Variants in SNRPN observed in about 807,000 individuals in gnomAD.
The protein encoded by SNRPN is small nuclear ribonucleoprotein-associated protein N.
Under a neutral mutation model 25.2 loss-of-function variants are expected in SNRPN, and 7 were observed. The observed-to-expected ratio is 0.28, with a 90% CI of 0.16 to 0.52. The LOEUF is 0.52. SNRPN is among the 20% of genes least tolerant of loss of function. The pLI is 0.96. For missense variants in SNRPN, 196 were observed against 322.5 expected, an observed-to-expected ratio of 0.61 and a Z score of 3.00; for synonymous variants, 124 against 110.6, an observed-to-expected ratio of 1.12 and a Z score of -0.76.
At chr15:24,962,785 A>G (rs991103566) in intron 2 of SNRPN, among the ~76,000 whole-genome samples, 5 of 152,210 alleles carry the variant, frequency 3.3e-5, no homozygotes, top group African/African-American at 4.8e-5. Flanking sequence ...GACCTAATAC[A>G]TATTTAGTCC....
chr15:24,953,635 C>T (rs188209385), upstream of SNRPN, among the ~76,000 whole-genome samples: 289 of 152,258 alleles, frequency 1.9e-3, 7 homozygotes, highest in African/African-American at 6.8e-3. Flanking sequence ...TTTTATTTTT[C>T]GATTGACTCC....
chr15:24,865,998 C>T (rs1272326306), intron 1 of SNRPN, among the ~76,000 whole-genome samples: 1 of 152,110 alleles, frequency 6.6e-6, no homozygotes, highest in African/African-American at 2.4e-5. Flanking sequence ...GTGGATTCAT[C>T]TATTTTTCCT....
intron 1 of SNRPN, chr15:24,958,754 A>G (rs1037723038): frequency 6.5e-6 from 1 of 154,066 alleles, no homozygotes; most frequent in African/African-American, 2.4e-5. Context: ...GGGTCTGGCT[A>G]TGTTGCCCAG....
At chr15:24,863,933 C>T (rs2054265047) in intron 1 of SNRPN, among the ~76,000 whole-genome samples, 1 of 150,182 alleles carries the variant, frequency 6.7e-6, no homozygotes, top group African/African-American at 2.5e-5. Context: ...TTCGTTTGCT[C>T]TACTTTTAAG....
intron 3 of SNRPN, among the ~76,000 whole-genome samples, chr15:24,972,860 A>G (rs1164251428): frequency 1.3e-5 from 2 of 151,908 alleles, no homozygotes; most frequent in Non-Finnish European, 2.9e-5. Context: ...TTACAAAACC[A>G]TGTTTTCATT....
At chr15:24,877,775 C>T (rs1055399349) in intron 1 of SNRPN, among the ~76,000 whole-genome samples, 4 of 152,114 alleles carry the variant, frequency 2.6e-5, no homozygotes, top group African/African-American at 7.2e-5. Flanking sequence ...TCGCTTGAAC[C>T]CGGGAGGAGG....
intron 2 of SNRPN, among the ~76,000 whole-genome samples, chr15:24,835,088 A>AC: frequency 2.2e-5 from 1 of 44,838 alleles, no homozygotes. Flanking sequence ...TCTATATATA[A>AC]AATATATAGA....
chr15:24,927,475 AATTTTTTTTTTTTTTTT>A (rs1200974767), intron 3 of SNRPN, among the ~76,000 whole-genome samples: 1,964 of 113,220 alleles, frequency 0.017, 145 homozygotes, highest in African/African-American at 0.059. Context: ...AAAGTTTTTA[AATTTTTTTTTTTTTTTT>A]TTTTTTTTTT....
chr15:24,847,842 T>C (rs1033008388), intron 2 of SNRPN, among the ~76,000 whole-genome samples: 2 of 152,094 alleles, frequency 1.3e-5, no homozygotes, highest in African/African-American at 4.8e-5. Context: ...GCAATCATAC[T>C]TCGGATATAA....
intron 2 of SNRPN, among the ~76,000 whole-genome samples, chr15:24,843,957 A>G (rs4906919): frequency 0.29 from 43,757 of 151,234 alleles, 6,637 homozygotes; most frequent in Non-Finnish European, 0.34. Context: ...TGGGCGATAG[A>G]GCTGACTCTG....
In SNRPN at chr15:24,932,731, C is replaced by G. The variant is rs140088212; in HGVS notation, c.-391+12607C>G. On this transcript the variant is annotated intron_variant, in intron 3 of 11. Transcript: ENST00000400097. ...ATGACACAATCTCGGCTCACTGCAA[C>G]CTTGGCCTCTCAGGTTCAAGTGGTT... 7.8e-3 allele frequency among the ~76,000 whole-genome samples: 1,178 copies of G among 151,836 alleles called. 9 individuals carry two copies. Among genetic ancestry groups the G allele is most frequent in the African/African-American group, 0.027 (1,105 of 41,464 alleles).
At chr15:24,869,940 A>G (rs1461181751) in intron 1 of SNRPN, among the ~76,000 whole-genome samples, 8 of 152,138 alleles carry the variant, frequency 5.3e-5, no homozygotes, top group African/African-American at 1.9e-4. Context: ...ATTTATTTAT[A>G]CTGTATTGAA....
intron 2 of SNRPN, among the ~76,000 whole-genome samples, chr15:24,916,687 A>G (rs140866842): frequency 5.3e-5 from 8 of 152,356 alleles, no homozygotes; most frequent in African/African-American, 1.9e-4. Flanking sequence ...ATTAGGTGTC[A>G]GCATTTGTTG....
intron 1 of SNRPN, among the ~76,000 whole-genome samples, chr15:24,881,583 GGGAGA>G (rs2056650166): frequency 1.7e-5 from 1 of 59,222 alleles, no homozygotes; most frequent in Non-Finnish European, 3.5e-5. Context: ...GAGGGAGGGA[GGGAGA>G]GAGAGAGAGA....
intron 1 of SNRPN, among the ~76,000 whole-genome samples, chr15:24,957,929 A>G (rs1307822803): frequency 3.9e-5 from 6 of 152,082 alleles, no homozygotes; most frequent in African/African-American, 1.2e-4. Flanking sequence ...TCTGTGTCCT[A>G]CTCAGTGAAT....
At chr15:24,954,074 C>G (rs1302678325), upstream of SNRPN, among the ~76,000 whole-genome samples, 1 of 152,194 alleles carries the variant, frequency 6.6e-6, no homozygotes, top group Non-Finnish European at 1.5e-5. Flanking sequence ...GATGCAGTTT[C>G]AGGATTATTT....
intron 2 of SNRPN, among the ~76,000 whole-genome samples, chr15:24,838,007 G>GCCAC: frequency 6.6e-6 from 1 of 151,428 alleles, no homozygotes; most frequent in East Asian, 2.0e-4. Flanking sequence ...ACAGGCATGA[G>GCCAC]CCACTGTGCC....
chr15:24,936,532 G>A (rs980907183), intron 3 of SNRPN, among the ~76,000 whole-genome samples: 7 of 152,132 alleles, frequency 4.6e-5, no homozygotes, highest in Non-Finnish European at 1.0e-4. Flanking sequence ...CCGAGCCTGG[G>A]TAATTTATAA....
At chr15:24,883,324 G>A (rs914303991) in intron 1 of SNRPN, among the ~76,000 whole-genome samples, 4 of 152,236 alleles carry the variant, frequency 2.6e-5, no homozygotes, top group Admixed American at 6.5e-5. Context: ...CAGCCTGCAG[G>A]AAAGGCACCT....
Sources: allele counts gnomAD v4.1 joint callset (sites outside exome capture counted in the v4.1 genomes callset), GRCh38; gene constraint gnomAD v4.1.1; transcripts MANE v1.5; gene names NCBI Gene and HGNC (gene_info 2026-07-23, HGNC 2026-07-21).